Variants in THBS2 observed in about 807,000 individuals in gnomAD.
THBS2 encodes thrombospondin 2.
Under a neutral mutation model 135.2 loss-of-function variants are expected in THBS2, and 47 were observed. That is an observed-to-expected ratio of 0.35 (90% CI 0.28 to 0.44). THBS2 has a LOEUF of 0.44. Ranked by LOEUF, THBS2 falls within the 20% of genes least tolerant of loss-of-function variation. The pLI, the probability that THBS2 is intolerant of heterozygous loss-of-function variation, is 1.00. For missense variants in THBS2, 1,288 were observed against 1,603.1 expected, an observed-to-expected ratio of 0.80 and a Z score of 3.36; for synonymous variants, 639 against 633.8, an observed-to-expected ratio of 1.01 and a Z score of -0.12.
chr6:169,244,172 T>C (rs564005599), intron 4 of THBS2, among the ~76,000 whole-genome samples: 4 of 149,500 alleles, frequency 2.7e-5, no homozygotes, highest in African/African-American at 5.0e-5. Flanking sequence ...GTGTTTTTTT[T>C]TTTTTTTTTT....
chr6:169,253,559 C>T (rs1780821577), intron 1 of THBS2, among the ~76,000 whole-genome samples, 165 bp downstream of exon 1: 1 of 152,200 alleles, frequency 6.6e-6, no homozygotes, highest in South Asian at 2.1e-4. Context: ...AGAAACACCA[C>T]GTGAAGAAAC....
Position 169,225,242 on chromosome 6 carries a change from C to A in THBS2, c.2676G>T (p.Gln892His), listed in dbSNP as rs1319552606. 1 of 1,613,662 alleles carries A rather than the reference C, an allele frequency of 6.2e-7. No individual in the cohort carries two copies. The highest frequency in any genetic ancestry group is 2.2e-5 in the East Asian group (1 of 44,870). ...CATCATCAGGGTCACAGGCGTCGCC[C>A]TGGCCGTCTCTGTCATGGTCAGCCT... ...ANQADHDRDG[Q>H]GDACDPDDDN... Residue 892 changes from glutamine to histidine, a missense_variant, in exon 17 of 22, where the codon CAG becomes CAT. Gln to His is a conservative substitution (Grantham distance 24). Coordinates refer to ENST00000617924, the MANE Select transcript of THBS2 (RefSeq NM_003247.5).
intron 21 of THBS2, among the ~76,000 whole-genome samples, chr6:169,218,082 G>A (rs1382943550): frequency 1.9e-5 from 2 of 107,424 alleles, no homozygotes; most frequent in Admixed American, 2.0e-4. Flanking sequence ...TGGGTGGGTG[G>A]ATGAAATGGG....
chr6:169,219,805 G>A (rs756243051), intron 21 of THBS2: 13 of 524,132 alleles, frequency 2.5e-5, no homozygotes, highest in South Asian at 8.4e-5. Flanking sequence ...TACCTGTAGC[G>A]AGATAACTAT....
chr6:169,237,568 G>C, intron 8 of THBS2, 57 bp downstream of exon 8: 1 of 1,604,042 alleles, frequency 6.2e-7, no homozygotes. Context: ...CCCGATGACT[G>C]AGAGAAACGC....
intron 8 of THBS2, 107 bp from the exon 9 acceptor site, chr6:169,237,453 G>C: frequency 6.6e-7 from 1 of 1,511,664 alleles, no homozygotes; most frequent in South Asian, 1.1e-5. Flanking sequence ...GCTGAGGAGA[G>C]GGAAGGAGAA....
Position 169,221,440 on chromosome 6 carries a change from C to T in THBS2, c.3361G>A (p.Gly1121Ser). Residue 1121 changes from glycine to serine, a missense_variant, in exon 20 of 22, where the codon GGC becomes AGC. Gly to Ser is a moderately conservative substitution (Grantham distance 56). Around this residue, in one of 2 missense-constraint regions of THBS2, gnomAD observed 874 missense variants for 1,156.1 expected, o/e 0.76. Transcript: ENST00000617924. ...RWHLTHRPKT[G>S]YIRVLVHEGK... is the part of the protein sequence containing the mutation. ...CTGACCTGCCCTCACCTGATGTAGC[C>T]AGTCTTGGGCCTGTGAGTCAGGTGC... The T allele has an allele frequency of 6.2e-7, 1 of 1,613,928 alleles. No homozygotes were observed. Among genetic ancestry groups the T allele is most frequent in the Non-Finnish European group, 8.5e-7 (1 of 1,179,988 alleles).
In THBS2 at chr6:169,229,552, G is replaced by C; in HGVS notation, c.2259+20C>G. The C allele has an allele frequency of 6.2e-7, 1 of 1,605,774 alleles. No individual in the cohort carries two copies. The highest frequency in any genetic ancestry group is 8.5e-7 in the Non-Finnish European group (1 of 1,172,606). On this transcript the variant is annotated intron_variant, in intron 14 of 21. Transcript: ENST00000617924. The stretch of plus-strand genomic sequence containing the variant: ...TGCTCCTGGAACCCAGGGCAGGTGC[G>C]CGGCACAAGCTGCTCCTACCTTCTC...
At chr6:169,236,695 C>T (rs1438279687) in intron 9 of THBS2, among the ~76,000 whole-genome samples, 2 of 148,970 alleles carry the variant, frequency 1.3e-5, no homozygotes, top group Non-Finnish European at 3.0e-5. Flanking sequence ...ACACTCATTC[C>T]CCCATAAACA....
rs150031881 is a variant in THBS2 at position 169,227,246 on chromosome 6, C to T, written c.2419+876G>A. ...TGGAGGAGCTGGGGCCGAGCTCCAG[C>T]GTGGAGGCGAGCCTGCCCCCAGCTC... On this transcript the variant is annotated intron_variant, in intron 15 of 21. Transcript: ENST00000617924. 2.6e-4 allele frequency among the ~76,000 whole-genome samples: 39 copies of T among 152,250 alleles called. No individual in the cohort carries two copies. In the East Asian group the frequency reaches 5.8e-3, roughly 23 times the overall value.
chr6:169,234,995 G>A (rs1583412664), intron 9 of THBS2, 88 bp from the exon 10 acceptor site: 2 of 1,355,714 alleles, frequency 1.5e-6, no homozygotes, highest in East Asian at 4.8e-5. Flanking sequence ...GAGCAGGTGG[G>A]ACATGGTGTT....
chr6:169,239,449 A>G (rs1274455301), intron 7 of THBS2, 150 bp downstream of exon 7: 1 of 681,154 alleles, frequency 1.5e-6, no homozygotes, highest in Non-Finnish European at 2.5e-6. Flanking sequence ...GTGGATGACC[A>G]GTGGCCTGGG....
At chr6:169,246,059 A>G (rs1297885763) in intron 4 of THBS2, 138 bp downstream of exon 4, 3 of 578,350 alleles carry the variant, frequency 5.2e-6, no homozygotes, top group Non-Finnish European at 9.1e-6. Context: ...CAAAGACAAT[A>G]GTGGTAGTTA....
rs1233651816 is a variant in THBS2 at position 169,223,471 on chromosome 6, A to G, written c.2778T>C (p.Asp926=). Residue 926 remains aspartate, a synonymous_variant, in exon 18 of 22, where the codon GAT becomes GAC. Transcript: ENST00000617924. ...CATCTTTACAAATATCACCCCGTCC[A>G]TCACCTATGCACAAAGAACAAGCAA... ...FNPDQEDLDG[D]GRGDICKDDF... is the part of the protein sequence containing the mutation. The G allele has an allele frequency of 1.2e-6, 2 of 1,613,918 alleles. No homozygotes were observed. Among genetic ancestry groups the G allele is most frequent in the South Asian group, 1.1e-5 (1 of 91,070 alleles).
intron 19 of THBS2, 69 bp downstream of exon 19, chr6:169,222,128 G>C: frequency 6.6e-7 from 1 of 1,513,404 alleles, no homozygotes; most frequent in Non-Finnish European, 8.8e-7. Context: ...GACTGGGCTA[G>C]TCCTGCTGAA....
intron 21 of THBS2, 138 bp from the exon 22 acceptor site, chr6:169,217,967 T>C: frequency 1.4e-6 from 1 of 721,336 alleles, no homozygotes; most frequent in Non-Finnish European, 2.2e-6. Flanking sequence ...GATGGATGGA[T>C]GGATGAAATG....
chr6:169,229,090 T>A (rs1398162108), intron 14 of THBS2, among the ~76,000 whole-genome samples: 1 of 152,136 alleles, frequency 6.6e-6, no homozygotes, highest in East Asian at 1.9e-4. Flanking sequence ...GATTAGTGAG[T>A]CAATGTCTCC....
rs1255741566 is a variant in THBS2 at position 169,226,183 on chromosome 6, G to C, written c.2535C>G (p.Asp845Glu). Residue 845 changes from aspartate (D) to glutamate (E), a missense_variant, in exon 16 of 22, where the codon GAC becomes GAG. Around this residue, in one of 2 missense-constraint regions of THBS2, gnomAD observed 874 missense variants for 1,156.1 expected, o/e 0.76. Transcript: ENST00000617924. Reference sequence around the variant, plus strand: ...GCCTGTCTGCGGCTGCCCTCACCTGGTCAGGGTTGTGCACCAGGGGGCAGT... The same window carrying C: ...GCCTGTCTGCGGCTGCCCTCACCTGCTCAGGGTTGTGCACCAGGGGGCAGT... ...CDNCPLVHNP[D>E]QTDVDNDLVG... The C allele has an allele frequency of 6.2e-7, 1 of 1,612,498 alleles. No individual in the cohort carries two copies. Among genetic ancestry groups the C allele is most frequent in the Admixed American group, 1.7e-5 (1 of 59,884 alleles).
In THBS2 at chr6:169,252,550, C is replaced by T. The variant is rs1780790980; in HGVS notation, c.-23+1174G>A. ...ACTCCTTTGACGAAACCAGATCCTACTGTCTCTGCCTTGAGGTAGATTCTT... is the reference window on the plus strand; with the variant it reads ...ACTCCTTTGACGAAACCAGATCCTATTGTCTCTGCCTTGAGGTAGATTCTT... On this transcript the variant is annotated intron_variant, in intron 1 of 21. Coordinates refer to ENST00000617924, the MANE Select transcript of THBS2 (RefSeq NM_003247.5). This position sits in a 1 kb window ranked among gnomAD's most constrained non-coding sequence, Gnocchi z 4.3. 6.6e-6 allele frequency among the ~76,000 whole-genome samples: 1 copy of T among 152,276 alleles called. No individual in the cohort carries two copies. Among genetic ancestry groups the T allele is most frequent in the African/African-American group, 2.4e-5 (1 of 41,480 alleles).
Sources: allele counts gnomAD v4.1 joint callset (sites outside exome capture counted in the v4.1 genomes callset), GRCh38; gene constraint gnomAD v4.1.1; regional missense constraint gnomAD v4.1.1; non-coding constraint Gnocchi (gnomAD v3.1); transcripts MANE v1.5; gene names NCBI Gene and HGNC (gene_info 2026-07-23, HGNC 2026-07-21).